Variants in CFAP54 observed in about 807,000 individuals in gnomAD.
CFAP54 encodes the protein cilia and flagella associated protein 54.
A neutral mutation model predicts 370.4 loss-of-function variants in CFAP54; 290 were observed. That is an observed-to-expected ratio of 0.78 (90% CI 0.71 to 0.86). The LOEUF is 0.86. Ranked by LOEUF, CFAP54 falls within the 40% of genes least tolerant of loss-of-function variation. CFAP54 has a pLI of 0.00. For missense variants in CFAP54, 3,399 were observed against 3,528.7 expected, an observed-to-expected ratio of 0.96 and a Z score of 0.93; for synonymous variants, 1,206 against 1,236.5, an observed-to-expected ratio of 0.98 and a Z score of 0.52.
intron 19 of CFAP54, among the ~76,000 whole-genome samples, chr12:96,565,377 C>T (rs1376489111): frequency 6.6e-6 from 1 of 152,032 alleles, no homozygotes; most frequent in African/African-American, 2.4e-5. Context: ...GGACTACAGA[C>T]ATGCCACCAT....
At chr12:96,780,912 A>C (rs541788781) in intron 60 of CFAP54, among the ~76,000 whole-genome samples, 1 of 152,312 alleles carries the variant, frequency 6.6e-6, no homozygotes, top group South Asian at 2.1e-4. Context: ...TATTTCACTA[A>C]ATGACCAATC....
chr12:96,699,726 T>A (rs1332650379), intron 45 of CFAP54, among the ~76,000 whole-genome samples: 6 of 152,206 alleles, frequency 3.9e-5, no homozygotes, highest in Non-Finnish European at 8.8e-5. Context: ...GTCTGATAAA[T>A]GTCCATTGTT....
chr12:96,874,616 TTTTTATTTTTA>T (rs1250987522), intron 67 of CFAP54, among the ~76,000 whole-genome samples: 2 of 13,884 alleles, frequency 1.4e-4, no homozygotes, highest in Non-Finnish European at 2.4e-4. Context: ...TCTCTGCTTT[TTTTTATTTTTA>T]TTTTATTTTT....
chr12:96,540,012 A>C (rs988970833), intron 13 of CFAP54: 1 of 152,280 alleles, frequency 6.6e-6, no homozygotes, highest in African/African-American at 2.4e-5. Flanking sequence ...ATGTGAGTAC[A>C]TAAATACCGT....
intron 39 of CFAP54, among the ~76,000 whole-genome samples, chr12:96,668,131 ATCTTCATT>A (rs1410736930): frequency 6.6e-6 from 1 of 152,202 alleles, no homozygotes; most frequent in Admixed American, 6.5e-5. Flanking sequence ...ACTTTCCCAC[ATCTTCATT>A]TCTTCTGAGC....
chr12:96,557,427 C>T (rs1955765195), intron 17 of CFAP54, among the ~76,000 whole-genome samples: 1 of 152,122 alleles, frequency 6.6e-6, no homozygotes, highest in South Asian at 2.1e-4. Flanking sequence ...CCAGCAATGT[C>T]ACTCATAGGT....
In CFAP54 at chr12:96,657,890, A is replaced by C. The variant is rs1340330403; in HGVS notation, c.5109A>C (p.Glu1703Asp). The change falls in exon 37 of 68, where the codon GAA (glutamate) becomes GAC (aspartate). Residue 1703 changes from glutamate to aspartate, a missense_variant. Coordinates refer to ENST00000524981, the MANE Select transcript of CFAP54 (RefSeq NM_001306084.2). ...CACTGTGCTACTTGCAGCCTATTGA[A>C]GACAAAGGAGAATTCAGTGTTCCAA... is the stretch of plus-strand genomic sequence containing the variant. ...LQNTSSIKPI[E>D]DKGEFSVPSC... 1.2e-6 allele frequency: 2 copies of C among 1,608,802 alleles called. No homozygotes were observed. Among genetic ancestry groups the C allele is most frequent in the Non-Finnish European group, 8.5e-7 (1 of 1,177,466 alleles).
chr12:96,692,992 C>T (rs1648094401), intron 44 of CFAP54, among the ~76,000 whole-genome samples: 1 of 152,218 alleles, frequency 6.6e-6, no homozygotes, highest in Admixed American at 6.5e-5. Flanking sequence ...CCACATCTTT[C>T]TCTGGATGGA....
rs2136337661 is a variant in CFAP54, at chr12:96,489,717, A to G, written c.108A>G (p.Pro36=). The G allele has an allele frequency of 2.0e-6, 3 of 1,535,890 alleles. No homozygotes were observed. Among genetic ancestry groups the G allele is most frequent in the African/African-American group, 1.4e-5 (1 of 73,096 alleles). Residue 36 remains proline (P), a synonymous_variant, in exon 1 of 68, where the codon CCA becomes CCG. Coordinates refer to ENST00000524981, the MANE Select transcript of CFAP54 (RefSeq NM_001306084.2). The part of the protein sequence containing the change: ...PTSTATSRSP[P]ESKGSSRSSL... Reference sequence around the variant, plus strand: ...CCACCGCGACTTCGAGGTCGCCCCCAGAGTCGAAGGGGAGCTCCCGGAGCT... The same window carrying G: ...CCACCGCGACTTCGAGGTCGCCCCCGGAGTCGAAGGGGAGCTCCCGGAGCT...
rs149195544 is a variant in CFAP54, at chr12:96,684,691, G to T, written c.5760G>T (p.Ala1920=). The change falls in exon 41 of 68, where the codon GCG becomes GCT. Residue 1920 remains alanine, a synonymous_variant. Coordinates refer to ENST00000524981, the MANE Select transcript of CFAP54 (RefSeq NM_001306084.2). ...ATCAAAGAAGTCTTAAAGTTCAGGC[G>T]TTGCATTCACTTGGAAGTCTTCTCA... ...ASNQRSLKVQ[A]LHSLGSLLIF... 60 of 1,613,206 alleles carry T rather than the reference G, an allele frequency of 3.7e-5. No homozygotes were observed. The highest frequency in any genetic ancestry group is 4.9e-5 in the Non-Finnish European group (58 of 1,179,762).
rs369609827 is a variant in CFAP54 at position 96,828,262 on chromosome 12, A to G, written c.9097-752A>G. 5.9e-5 allele frequency among the ~76,000 whole-genome samples: 9 copies of G among 151,408 alleles called. No individual in the cohort carries two copies. In the East Asian group the frequency reaches 9.7e-4, roughly 16 times the overall value. ...GTTTGGTAGGGAGGTAGTGTTTGTC[A>G]GTATGAGTTGAGTATGGTCATGCAT... On this transcript the variant is annotated intron_variant, in intron 65 of 67. Coordinates refer to ENST00000524981, the MANE Select transcript of CFAP54 (RefSeq NM_001306084.2).
rs1957604985 is a variant in CFAP54 at position 96,710,871 on chromosome 12, G to A, written c.6724+2068G>A. 1.3e-5 allele frequency among the ~76,000 whole-genome samples: 2 copies of A among 152,038 alleles called. 1 individual carries two copies. The highest frequency in any genetic ancestry group is 4.2e-4 in the South Asian group (2 of 4,808). ...AGACGGGGTTTTATCATGTTGGCCA[G>A]GCTGGTCTTGAGACATACAGAAAAT... On this transcript the variant is annotated intron_variant, in intron 48 of 67. Transcript: ENST00000524981.
chr12:96,540,818 G>A lies in CFAP54; in HGVS notation c.1927-19G>A. On this transcript the variant is annotated intron_variant, in intron 13 of 67. Transcript: ENST00000524981. ...TCATATACTTTTAATTAATTTTGCT[G>A]TGTATTTTCTCTTTTTAGTGGATTT... The A allele has an allele frequency of 7.2e-7, 1 of 1,389,330 alleles. No homozygotes were observed. The highest frequency in any genetic ancestry group is 1.6e-5 in the South Asian group (1 of 61,898). The allele number at this position is 1,389,330 out of a possible 1,614,324, so 86.1% of individuals were successfully genotyped here. A position where few individuals can be genotyped will look rare whatever the true frequency, so the allele number is the denominator to read the frequency against.
At chr12:96,508,647 A>G (rs1000790113) in intron 4 of CFAP54, among the ~76,000 whole-genome samples, 2 of 139,626 alleles carry the variant, frequency 1.4e-5, no homozygotes, top group African/African-American at 5.4e-5. Context: ...TTTTCTTGGT[A>G]TGTGCTTTTT....
chr12:96,615,904 C>T (rs1421531559), intron 26 of CFAP54, among the ~76,000 whole-genome samples: 3 of 152,322 alleles, frequency 2.0e-5, no homozygotes, highest in Non-Finnish European at 4.4e-5. Flanking sequence ...AACACTTTTA[C>T]ACAGTTGGTG....
intron 6 of CFAP54, 108 bp from the exon 7 acceptor site, chr12:96,521,749 C>A: frequency 1.3e-6 from 1 of 774,606 alleles, no homozygotes; most frequent in Non-Finnish European, 2.0e-6. Context: ...TAACCTAGAG[C>A]TTAATTCACA....
chr12:96,753,008 T>G (rs1280219937), intron 55 of CFAP54, among the ~76,000 whole-genome samples: 5 of 152,212 alleles, frequency 3.3e-5, no homozygotes, highest in African/African-American at 1.2e-4. Context: ...AGTAATGCAT[T>G]TAAGTCCTTC....
At chr12:96,728,527 T>C (rs1747523678) in intron 50 of CFAP54, among the ~76,000 whole-genome samples, 1 of 152,250 alleles carries the variant, frequency 6.6e-6, no homozygotes, top group Non-Finnish European at 1.5e-5. Flanking sequence ...TTCAGCTCCA[T>C]CAGCTCCTTT....
At chr12:96,663,799 C>T (rs572632452) in intron 38 of CFAP54, 31 bp from the exon 39 acceptor site, 1 of 1,496,764 alleles carries the variant, frequency 6.7e-7, no homozygotes, top group African/African-American at 1.4e-5. Context: ...AAATACCCGA[C>T]TAATATTTGT....
Sources: gnomAD v4.1 joint callset for allele counts (sites outside exome capture counted in the v4.1 genomes callset) on GRCh38, gnomAD v4.1.1 for gene constraint, MANE v1.5 for transcripts, NCBI Gene and HGNC (gene_info 2026-07-23, HGNC 2026-07-21) for gene names.